CDC14A: variants seen among roughly 807,000 people sequenced by gnomAD.
The protein encoded by CDC14A is dual specificity protein phosphatase CDC14A.
Under a neutral mutation model 74.4 loss-of-function variants are expected in CDC14A, and 53 were observed. The ratio of observed to expected loss-of-function variants is 0.71; its 90% confidence interval spans 0.57 to 0.89. The LOEUF (loss-of-function observed/expected upper bound fraction) is 0.89. Among genes scored for constraint, CDC14A ranks in the 40% least tolerant of loss-of-function variants. CDC14A has a pLI of 0.00. For missense variants in CDC14A, 646 were observed against 713.7 expected, an observed-to-expected ratio of 0.91 and a Z score of 1.08; for synonymous variants, 247 against 258.4, an observed-to-expected ratio of 0.96 and a Z score of 0.43.
At chr1:100,510,807 A>T (rs1649695138) in intron 15 of CDC14A, among the ~76,000 whole-genome samples, 2 of 151,992 alleles carry the variant, frequency 1.3e-5, no homozygotes, top group South Asian at 2.1e-4. Flanking sequence ...CAGTGCTCCT[A>T]ATTAGTTGTT....
chr1:100,420,063 C>CACACACACACACACATAT, intron 4 of CDC14A, among the ~76,000 whole-genome samples: 3 of 61,596 alleles, frequency 4.9e-5, no homozygotes, highest in African/African-American at 1.2e-4. Context: ...CACACACACA[C>CACACACACACACACATAT]ATATATATAT....
At chr1:100,495,071 T>TAAAA in intron 12 of CDC14A, 141 bp downstream of exon 12, 1 of 569,238 alleles carries the variant, frequency 1.8e-6, no homozygotes. Flanking sequence ...TGTTTATTGA[T>TAAAA]TATTTTATCA....
chr1:100,350,859 T>C (rs765545238), upstream of CDC14A, among the ~76,000 whole-genome samples: 1 of 152,236 alleles, frequency 6.6e-6, no homozygotes, highest in Non-Finnish European at 1.5e-5. Flanking sequence ...ACTTTGTTTT[T>C]CCCTATCTTT....
chr1:100,436,330 T>C (rs1335456263), intron 5 of CDC14A, among the ~76,000 whole-genome samples: 1 of 152,170 alleles, frequency 6.6e-6, no homozygotes, highest in Non-Finnish European at 1.5e-5. Flanking sequence ...CTTATTTTAG[T>C]CATTTCCTTT....
At chr1:100,402,471 A>G (rs1419344323) in intron 4 of CDC14A, among the ~76,000 whole-genome samples, 1 of 152,212 alleles carries the variant, frequency 6.6e-6, no homozygotes, top group African/African-American at 2.4e-5. Context: ...TAATTGCAGC[A>G]TGGTAAAATT....
intron 4 of CDC14A, among the ~76,000 whole-genome samples, chr1:100,418,254 T>C (rs1341140587): frequency 6.6e-6 from 1 of 152,208 alleles, no homozygotes; most frequent in African/African-American, 2.4e-5. Flanking sequence ...GAGTGTCATA[T>C]TCTGGAGTCT....
intron 2 of CDC14A, among the ~76,000 whole-genome samples, chr1:100,367,975 T>A (rs1046995216): frequency 6.6e-6 from 1 of 152,212 alleles, no homozygotes; most frequent in African/African-American, 2.4e-5. Flanking sequence ...TTCCATTCTC[T>A]TATGTTCCAA....
intron 5 of CDC14A, among the ~76,000 whole-genome samples, 167 bp from the exon 6 acceptor site, chr1:100,439,765 A>G (rs964088617): frequency 6.6e-6 from 1 of 152,216 alleles, no homozygotes; most frequent in Non-Finnish European, 1.5e-5. Context: ...GAAGTGCTTC[A>G]GTTAAGTGTG....
intron 7 of CDC14A, among the ~76,000 whole-genome samples, chr1:100,450,098 T>C (rs1325879871): frequency 1.3e-5 from 2 of 152,178 alleles, no homozygotes; most frequent in African/African-American, 2.4e-5. Flanking sequence ...AACATCAATT[T>C]AGTTTAATAT....
intron 4 of CDC14A, among the ~76,000 whole-genome samples, chr1:100,407,329 G>A (rs558953775): frequency 4.6e-5 from 7 of 152,194 alleles, no homozygotes; most frequent in East Asian, 3.9e-4. Context: ...CTTCCTGTGC[G>A]TGAACATGGA....
At chr1:100,499,410 T>C in intron 15 of CDC14A, 148 bp downstream of exon 15, 1 of 1,565,004 alleles carries the variant, frequency 6.4e-7, no homozygotes. Flanking sequence ...TGTGAAACTG[T>C]CTATGCACTA....
In CDC14A at chr1:100,429,352, T is replaced by C. The variant is rs79180204; in HGVS notation, c.389+5051T>C. Among the ~76,000 whole-genome samples the C allele has an allele frequency of 9.8e-4, 149 of 151,988 alleles. 1 individual carries two copies. Among genetic ancestry groups the C allele is most frequent in the African/African-American group, 3.6e-3 (148 of 41,464 alleles). On this transcript the variant is annotated intron_variant, in intron 5 of 15. Coordinates refer to ENST00000336454, the MANE Select transcript of CDC14A (RefSeq NM_003672.4). Reference sequence around the variant, plus strand: ...AGAGCATGGCATGAAAAATAATGACTAAGTCTGGAGGTAAGGTTAGGTAGG... The same window carrying C: ...AGAGCATGGCATGAAAAATAATGACCAAGTCTGGAGGTAAGGTTAGGTAGG...
chr1:100,418,228 A>G (rs1661779922), intron 4 of CDC14A, among the ~76,000 whole-genome samples: 1 of 152,192 alleles, frequency 6.6e-6, no homozygotes, highest in South Asian at 2.1e-4. Flanking sequence ...TATTGTGATC[A>G]TTATCACCTA....
At chr1:100,499,593 C>T (rs1648464541) in intron 15 of CDC14A, 1 of 630,376 alleles carries the variant, frequency 1.6e-6, no homozygotes, top group Admixed American at 3.6e-5. Flanking sequence ...AGTTATGTTT[C>T]CAATCACTCT....
intron 15 of CDC14A, among the ~76,000 whole-genome samples, chr1:100,510,342 A>C (rs554697951): frequency 6.6e-6 from 1 of 152,338 alleles, no homozygotes; most frequent in East Asian, 1.9e-4. Flanking sequence ...TCAGAATGGC[A>C]ATAACTTGCC....
At chr1:100,496,524 C>G (rs983333860) in intron 13 of CDC14A, among the ~76,000 whole-genome samples, 1 of 152,176 alleles carries the variant, frequency 6.6e-6, no homozygotes, top group African/African-American at 2.4e-5. Context: ...AAAATGTCCC[C>G]TGAAACCTCC....
intron 2 of CDC14A, among the ~76,000 whole-genome samples, chr1:100,363,665 G>C (rs1325181989): frequency 6.6e-6 from 1 of 150,686 alleles, no homozygotes; most frequent in Non-Finnish European, 1.5e-5. Flanking sequence ...GGAAAAGGTA[G>C]TTTATTTCAA....
Position 100,352,903 on chromosome 1 carries a change from G to A in CDC14A, c.-52G>A. Reference sequence around the variant, plus strand: ...GCAGTGGGGAAGCCCCCGGGGGCGAGTGACTTCAGCTGGCCACGACCCAGC... The same window carrying A: ...GCAGTGGGGAAGCCCCCGGGGGCGAATGACTTCAGCTGGCCACGACCCAGC... On this transcript the variant is annotated 5_prime_UTR_variant, in exon 1 of 16. The change creates a new upstream start codon in the 5' untranslated region. Transcript: ENST00000336454. 6.2e-7 allele frequency: 1 copy of A among 1,612,520 alleles called. No individual in the cohort carries two copies. Among genetic ancestry groups the A allele is most frequent in the East Asian group, 2.2e-5 (1 of 44,838 alleles).
intron 2 of CDC14A, among the ~76,000 whole-genome samples, chr1:100,361,110 A>AC (rs1335684110): frequency 2.0e-5 from 3 of 152,072 alleles, no homozygotes; most frequent in Non-Finnish European, 4.4e-5. Context: ...AAAAAAAAAA[A>AC]AACAACAAAA....
Sources: allele counts gnomAD v4.1 joint callset (sites outside exome capture counted in the v4.1 genomes callset), GRCh38; gene constraint gnomAD v4.1.1; transcripts MANE v1.5; gene names NCBI Gene and HGNC (gene_info 2026-07-23, HGNC 2026-07-21).